The following MUC5B variants were observed in gnomAD, a reference collection of about 807,000 sequenced individuals.
MUC5B encodes the protein mucin-5B.
Under a neutral mutation model 376.9 loss-of-function variants are expected in MUC5B, and 116 were observed. The ratio of observed to expected loss-of-function variants is 0.31; its 90% confidence interval spans 0.26 to 0.36. The LOEUF (loss-of-function observed/expected upper bound fraction) is 0.36. MUC5B is among the 10% of genes least tolerant of loss of function. MUC5B has a pLI of 1.00. For missense variants in MUC5B, 7,165 were observed against 7,769.9 expected, an observed-to-expected ratio of 0.92 and a Z score of 2.93; for synonymous variants, 3,517 against 3,390.9, an observed-to-expected ratio of 1.04 and a Z score of -1.29.
chr11:1,248,303 G>A lies in MUC5B; in HGVS notation c.11423G>A (p.Arg3808His), dbSNP rs770553688. The stretch of plus-strand genomic sequence containing the variant: ...TCCTCCCTGGGCACCACCTGGACCC[G>A]CCTATCACAGACCACCACACCCACG... The part of the protein sequence containing the change: ...PSSSLGTTWT[R>H]LSQTTTPTAT... The change falls in exon 31 of 49, where the codon CGC becomes CAC. Residue 3808 changes from arginine to histidine, a missense_variant. Arg to His is a conservative substitution (Grantham distance 29). Transcript: ENST00000529681. 41 of 1,543,872 alleles carry A rather than the reference G, an allele frequency of 2.7e-5. 1 individual carries two copies. The East Asian group carries it at 3.1e-4, about 12-fold the overall frequency.
rs773345993 is a variant in MUC5B at position 1,246,311 on chromosome 11, C to T, written c.9431C>T (p.Thr3144Ile). 2.5e-6 allele frequency: 4 copies of T among 1,601,578 alleles called. No individual in the cohort carries two copies. The highest frequency in any genetic ancestry group is 3.4e-6 in the Non-Finnish European group (4 of 1,171,844). The change falls in exon 31 of 49, where the codon ACA (threonine) becomes ATA (isoleucine). Residue 3144 changes from threonine to isoleucine, a missense_variant. Thr to Ile is a moderately conservative substitution (Grantham distance 89). Around this residue, in one of 31 missense-constraint regions of MUC5B, gnomAD observed 939 missense variants for 770.6 expected, o/e 1.22. Transcript: ENST00000529681. ...ACAGAGCTGACCACAGCAGCCACTA[C>T]AACTGCAGCCACTGGCCCCACGGCC... ...ILTELTTAATTTAATGPTATP... is the reference protein window; with the variant it reads ...ILTELTTAATITAATGPTATP...
In MUC5B at chr11:1,243,376, G is replaced by A. The variant is rs772290629; in HGVS notation, c.6496G>A (p.Ala2166Thr). ...CATCCCCCCAGTGCTGACCACCACC[G>A]CCACCACACCTGCAGCCACCAGCAA... ...TPIPPVLTTTATTPAATSNTV... is the reference protein window; with the variant it reads ...TPIPPVLTTTTTTPAATSNTV... The change falls in exon 31 of 49, where the codon GCC becomes ACC. Residue 2166 changes from alanine to threonine, a missense_variant. By Grantham distance (58) the Ala-to-Thr change is moderately conservative. This residue lies in a region of MUC5B where 897 missense variants were observed against 779.6 expected (regional missense o/e 1.15). Transcript: ENST00000529681. 1.5e-5 allele frequency: 23 copies of A among 1,532,392 alleles called. No homozygotes were observed. Among genetic ancestry groups the A allele is most frequent in the South Asian group, 3.5e-5 (3 of 85,768 alleles). The allele number at this position is 1,532,392 out of a possible 1,614,324, so 94.9% of individuals were successfully genotyped here.
At chr11:1,232,992 C>T in intron 17 of MUC5B, 21 bp from the exon 18 acceptor site, 3 of 1,560,048 alleles carry the variant, frequency 1.9e-6, no homozygotes, top group Non-Finnish European at 2.6e-6. Flanking sequence ...GACCTGTCCC[C>T]CCTGGCCCCA....
rs749041453 is a variant in MUC5B at position 1,251,573 on chromosome 11, C to T, written c.14693C>T (p.Ser4898Phe). ...TATASTVPSS[S>F]TVGTTRTPAV... Reference sequence around the variant, plus strand: ...ACTGCCTCCACGGTTCCCAGCTCGTCCACCGTGGGGACCACCCGCACCCCT... The same window carrying T: ...ACTGCCTCCACGGTTCCCAGCTCGTTCACCGTGGGGACCACCCGCACCCCT... The change falls in exon 31 of 49, where the codon TCC becomes TTC. Residue 4898 changes from serine to phenylalanine, a missense_variant. By Grantham distance (155) the Ser-to-Phe change is radical. Coordinates refer to ENST00000529681, the MANE Select transcript of MUC5B (RefSeq NM_002458.3). 1 of 1,612,922 alleles carries T rather than the reference C, an allele frequency of 6.2e-7. No individual in the cohort carries two copies. Among genetic ancestry groups the T allele is most frequent in the Non-Finnish European group, 8.5e-7 (1 of 1,179,798 alleles).
chr11:1,247,926 G>C lies in MUC5B; in HGVS notation c.11046G>C (p.Thr3682=), dbSNP rs769776719. The change falls in exon 31 of 49, where the codon ACG becomes ACC. Residue 3682 remains threonine, a synonymous_variant. Coordinates refer to ENST00000529681, the MANE Select transcript of MUC5B (RefSeq NM_002458.3). The part of the protein sequence containing the change: ...PSTPATSSTA[T]PSSTPGTTWI... Reference sequence around the variant, plus strand: ...CCCCGGCCACCAGCTCTACGGCCACGCCCTCCTCAACTCCGGGGACGACCT... The same window carrying C: ...CCCCGGCCACCAGCTCTACGGCCACCCCCTCCTCAACTCCGGGGACGACCT... 6.2e-7 allele frequency: 1 copy of C among 1,611,164 alleles called. No individual in the cohort carries two copies. Among genetic ancestry groups the C allele is most frequent in the Non-Finnish European group, 8.5e-7 (1 of 1,178,340 alleles).
chr11:1,233,878 TGCCCC>T (rs748724481), intron 19 of MUC5B, 30 bp downstream of exon 19: 33 of 907,342 alleles, frequency 3.6e-5, no homozygotes, highest in South Asian at 1.3e-4. Context: ...TGCCCTGCCC[TGCCCC>T]GCCCCGCATC....
intron 10 of MUC5B, 62 bp downstream of exon 10, chr11:1,229,869 C>A (rs1861981667): frequency 6.5e-7 from 1 of 1,545,798 alleles, no homozygotes; most frequent in Admixed American, 1.9e-5. Flanking sequence ...TATTTATGAA[C>A]CCGCCAGCCT....
Position 1,252,390 on chromosome 11 carries a change from G to A in MUC5B, c.14911G>A (p.Ala4971Thr), listed in dbSNP as rs755672370. ...KTDRAGCHFY[A>T]VCNQHCDIDR... is the part of the protein sequence containing the mutation. ...CGACCGAGCCGGCTGCCATTTCTACGCAGTGTGCAATCAGCACTGTGACAT... is the reference window on the plus strand; with the variant it reads ...CGACCGAGCCGGCTGCCATTTCTACACAGTGTGCAATCAGCACTGTGACAT... Residue 4971 changes from alanine (A) to threonine (T), a missense_variant, in exon 32 of 49, where the codon GCA becomes ACA. By Grantham distance (58) the Ala-to-Thr change is moderately conservative. Coordinates refer to ENST00000529681, the MANE Select transcript of MUC5B (RefSeq NM_002458.3). The A allele has an allele frequency of 1.2e-5, 19 of 1,601,296 alleles. No homozygotes were observed. Among genetic ancestry groups the A allele is most frequent in the Middle Eastern group, 1.7e-4 (1 of 6,046 alleles).
At position 1,254,247 on chromosome 11, in the gene MUC5B, G is replaced by A; in HGVS notation, c.15373G>A (p.Ala5125Thr). 3.1e-6 allele frequency: 5 copies of A among 1,612,508 alleles called. No homozygotes were observed. The South Asian group carries it at 4.4e-5, about 14-fold the overall frequency. ...YLDNHYCTAS[A>T]TAAAARCPRA... The stretch of plus-strand genomic sequence containing the variant: ...GGACAACCACTACTGCACGGCCTCT[G>A]CCACTGCCGCTGCCGCCCGCTGCCC... The change falls in exon 34 of 49, where the codon GCC (alanine) becomes ACC (threonine). Residue 5125 changes from alanine (A) to threonine (T), a missense_variant. Physicochemically the swap from Ala to Thr is moderately conservative, Grantham distance 58. Coordinates refer to ENST00000529681, the MANE Select transcript of MUC5B (RefSeq NM_002458.3).
intron 19 of MUC5B, 91 bp downstream of exon 19, chr11:1,233,939 A>T: frequency 7.9e-7 from 1 of 1,261,698 alleles, no homozygotes; most frequent in East Asian, 2.8e-5. Context: ...GCCCCACCCC[A>T]CCTGAACCCT....
rs573874540 is a variant in MUC5B, at chr11:1,246,948, C to G, written c.10068C>G (p.Thr3356=). 6.2e-7 allele frequency: 1 copy of G among 1,603,530 alleles called. No homozygotes were observed. The highest frequency in any genetic ancestry group is 1.3e-5 in the African/African-American group (1 of 74,588). The part of the protein sequence containing the change: ...TVTPSSIPGT[T]HTATVLTTTT... The stretch of plus-strand genomic sequence containing the variant: ...CCCCCTCCTCCATCCCGGGGACCAC[C>G]CACACCGCCACAGTGCTGACCACCA... The change falls in exon 31 of 49, where the codon ACC becomes ACG. Residue 3356 remains threonine (T), a synonymous_variant. Transcript: ENST00000529681.
At chr11:1,239,352 C>T in intron 26 of MUC5B, 86 bp from the exon 27 acceptor site, 2 of 1,492,458 alleles carry the variant, frequency 1.3e-6, no homozygotes, top group Non-Finnish European at 1.8e-6. Flanking sequence ...GGGACACCGG[C>T]CCCCACGCCC....
chr11:1,260,970 G>A (rs1386881998), intron 48 of MUC5B, among the ~76,000 whole-genome samples: 1 of 152,228 alleles, frequency 6.6e-6, no homozygotes, highest in Non-Finnish European at 1.5e-5. Flanking sequence ...TCCCCGCTGC[G>A]AACCCAGGTC....
chr11:1,224,390 AG>A (rs1441277141), intron 1 of MUC5B, among the ~76,000 whole-genome samples: 1 of 147,918 alleles, frequency 6.8e-6, no homozygotes, highest in African/African-American at 2.5e-5. Context: ...ATGGAGGCCC[AG>A]GTGGTCCAGC....
In MUC5B at chr11:1,243,368, C is replaced by T. The variant is rs755279744; in HGVS notation, c.6488C>T (p.Thr2163Ile). The T allele has an allele frequency of 5.2e-6, 8 of 1,534,324 alleles. No individual in the cohort carries two copies. The highest frequency in any genetic ancestry group is 7.1e-6 in the Non-Finnish European group (8 of 1,132,002). ...ACAACTCCCATCCCCCCAGTGCTGACCACCACCGCCACCACACCTGCAGCC... is the reference window on the plus strand; with the variant it reads ...ACAACTCCCATCCCCCCAGTGCTGATCACCACCGCCACCACACCTGCAGCC... Reference protein sequence around the residue: ...PGTTPIPPVLTTTATTPAATS... With the variant: ...PGTTPIPPVLITTATTPAATS... The change falls in exon 31 of 49, where the codon ACC (threonine) becomes ATC (isoleucine). Residue 2163 changes from threonine to isoleucine, a missense_variant. Physicochemically the swap from Thr to Ile is moderately conservative, Grantham distance 89. Coordinates refer to ENST00000529681, the MANE Select transcript of MUC5B (RefSeq NM_002458.3).
rs760280858 is a variant in MUC5B at position 1,249,129 on chromosome 11, G to C, written c.12249G>C (p.Gly4083=). 1.2e-6 allele frequency: 2 copies of C among 1,609,914 alleles called. No homozygotes were observed. The highest frequency in any genetic ancestry group is 1.7e-6 in the Non-Finnish European group (2 of 1,179,290). The change falls in exon 31 of 49, where the codon GGG becomes GGC. Residue 4083 remains glycine (G), a synonymous_variant. Coordinates refer to ENST00000529681, the MANE Select transcript of MUC5B (RefSeq NM_002458.3). ...SRTTESPPSP[G]TTTPGHTTAT... ...CCACCGAGTCACCCCCTTCCCCAGGGACGACCACCCCGGGCCACACCACGG... is the reference window on the plus strand; with the variant it reads ...CCACCGAGTCACCCCCTTCCCCAGGCACGACCACCCCGGGCCACACCACGG...
rs964086980 is a variant in MUC5B, at chr11:1,236,392, G to A, written c.2887G>A (p.Glu963Lys). Reference protein sequence around the residue: ...KAIKLFVESYELILQEGTFKA... With the variant: ...KAIKLFVESYKLILQEGTFKA... ...GCGTCTGCCTCCCCTGCAGAGCTAC[G>A]AGCTGATCCTCCAAGAGGGGACCTT... The change falls in exon 24 of 49, where the codon GAG becomes AAG. Residue 963 changes from glutamate to lysine, a missense_variant. Coordinates refer to ENST00000529681, the MANE Select transcript of MUC5B (RefSeq NM_002458.3). 9.3e-6 allele frequency: 15 copies of A among 1,608,798 alleles called. 1 individual carries two copies. The highest frequency in any genetic ancestry group is 4.4e-5 in the South Asian group (4 of 90,872).
rs755646628 is a variant in MUC5B, at chr11:1,247,905, G to A, written c.11025G>A (p.Pro3675=). The change falls in exon 31 of 49, where the codon CCG becomes CCA. Residue 3675 remains proline (P), a synonymous_variant. Coordinates refer to ENST00000529681, the MANE Select transcript of MUC5B (RefSeq NM_002458.3). ...ACTACGGCCACTGCCCCAGCACCCC[G>A]GCCACCAGCTCTACGGCCACGCCCT... ...CCNYGHCPST[P]ATSSTATPSS... 3.2e-5 allele frequency: 52 copies of A among 1,609,642 alleles called. 1 individual carries two copies. The highest frequency in any genetic ancestry group is 6.7e-5 in the African/African-American group (5 of 74,480).
At chr11:1,225,862 T>C in intron 2 of MUC5B, 125 bp downstream of exon 2, 1 of 913,294 alleles carries the variant, frequency 1.1e-6, no homozygotes, top group Non-Finnish European at 1.7e-6. Context: ...CTGGGTCCCC[T>C]GCCCAGGACA....
Sources: allele counts gnomAD v4.1 joint callset (sites outside exome capture counted in the v4.1 genomes callset), GRCh38; gene constraint gnomAD v4.1.1; regional missense constraint gnomAD v4.1.1; transcripts MANE v1.5; gene names NCBI Gene and HGNC (gene_info 2026-07-23, HGNC 2026-07-21).